EPHA7: variants seen among roughly 807,000 people sequenced by gnomAD.
The protein encoded by EPHA7 is EPH receptor A7, also known as ephrin type-A receptor 7.
A neutral mutation model predicts 112.6 loss-of-function variants in EPHA7; 25 were observed. The observed-to-expected ratio is 0.22, with a 90% CI of 0.16 to 0.31. EPHA7 has a LOEUF of 0.31. Ranked by LOEUF, EPHA7 falls within the 10% of genes least tolerant of loss-of-function variation. The pLI is 1.00. For missense variants in EPHA7, 962 were observed against 1,212.6 expected (o/e 0.79, Z 3.07); for synonymous variants, 437 against 406.5 (o/e 1.07, Z -0.90).
chr6:93,305,314 A>C (rs1773198341), intron 5 of EPHA7, among the ~76,000 whole-genome samples: 1 of 151,572 alleles, frequency 6.6e-6, no homozygotes, highest in African/African-American at 2.4e-5. Context: ...GAAATTATGA[A>C]AGTAAAAGTC....
At chr6:93,258,946 T>C (rs1316453891) in intron 10 of EPHA7, among the ~76,000 whole-genome samples, 1 of 151,870 alleles carries the variant, frequency 6.6e-6, no homozygotes, top group Non-Finnish European at 1.5e-5. Flanking sequence ...GTACAATGGC[T>C]AATACCTACA....
At chr6:93,352,766 C>A (rs1346282466) in intron 5 of EPHA7, among the ~76,000 whole-genome samples, 1 of 152,010 alleles carries the variant, frequency 6.6e-6, no homozygotes, top group Non-Finnish European at 1.5e-5. Flanking sequence ...CAAAAAAGAA[C>A]AAGATCGTGT....
At chr6:93,372,103 T>C (rs1406937177) in intron 3 of EPHA7, among the ~76,000 whole-genome samples, 1 of 152,118 alleles carries the variant, frequency 6.6e-6, no homozygotes, top group Non-Finnish European at 1.5e-5. Flanking sequence ...ATAAACAGAA[T>C]ATCTAAAAGC....
At chr6:93,351,412 C>T (rs1197705810) in intron 5 of EPHA7, among the ~76,000 whole-genome samples, 3 of 151,978 alleles carry the variant, frequency 2.0e-5, no homozygotes, top group African/African-American at 7.3e-5. Flanking sequence ...TAAGTATTTG[C>T]TTCCTGGGGA....
Position 93,272,304 on chromosome 6 carries a change from G to C in EPHA7, c.1443C>G (p.Tyr481Ter). The C allele has an allele frequency of 6.2e-7, 1 of 1,611,496 alleles. No individual in the cohort carries two copies. The highest frequency in any genetic ancestry group is 8.5e-7 in the Non-Finnish European group (1 of 1,178,250). ...AGTTGCTCTTAGCACTTACTTTCTC[G>C]TAATACTTGATTTCATATTCTGTGA... ...GVITEYEIKY[Y>*]EKDQRERTYS... Residue 481 changes from tyrosine (Y) to a stop codon, truncating the protein, a stop_gained, in exon 6 of 17, where the codon TAC becomes TAG. Coordinates refer to ENST00000369303, the MANE Select transcript of EPHA7 (RefSeq NM_004440.4). LOFTEE classifies it high-confidence loss of function.
At chr6:93,282,762 C>G (rs140575306) in intron 5 of EPHA7, among the ~76,000 whole-genome samples, 31 of 152,136 alleles carry the variant, frequency 2.0e-4, no homozygotes, top group Non-Finnish European at 3.2e-4. Flanking sequence ...CTGCCAGCCC[C>G]GAGCAGTGAG....
Position 93,241,691 on chromosome 6 carries a change from T to C in EPHA7, c.*1735A>G, listed in dbSNP as rs1049355300. ...TGAGTTTTTCTATAGCCGTCTTTGG[T>C]CCTAAATGTGGGAAAACACATTATG... On this transcript the variant is annotated 3_prime_UTR_variant, in exon 17 of 17. Transcript: ENST00000369303. 10 of 224,040 alleles carry C rather than the reference T, an allele frequency of 4.5e-5. No individual in the cohort carries two copies. In the Admixed American group the frequency reaches 4.6e-4, roughly 10 times the overall value. 13.9% of individuals were successfully genotyped at this position (224,040 alleles called of 1,614,324 possible). A position where few individuals can be genotyped will look rare whatever the true frequency, so the allele number is the denominator to read the frequency against.
intron 11 of EPHA7, 44 bp downstream of exon 11, chr6:93,258,055 A>G: frequency 6.5e-7 from 1 of 1,530,200 alleles, no homozygotes; most frequent in Non-Finnish European, 9.0e-7. Context: ...CTAATTTCTG[A>G]CACTCAGTCT....
At chr6:93,392,081 G>A (rs763520572) in intron 3 of EPHA7, among the ~76,000 whole-genome samples, 9 of 151,828 alleles carry the variant, frequency 5.9e-5, no homozygotes, top group South Asian at 4.2e-4. Flanking sequence ...ACAGAATAAC[G>A]CAATTTTTAC....
At chr6:93,296,293 C>G (rs1348361706) in intron 5 of EPHA7, among the ~76,000 whole-genome samples, 1 of 151,080 alleles carries the variant, frequency 6.6e-6, no homozygotes. Flanking sequence ...TGGGACTATA[C>G]CCAAAGGGAA....
chr6:93,410,907 G>T lies in EPHA7; in HGVS notation c.426C>A (p.Leu142=). 1 of 1,613,914 alleles carries T rather than the reference G, an allele frequency of 6.2e-7. No homozygotes were observed. Among genetic ancestry groups the T allele is most frequent in the Non-Finnish European group, 8.5e-7 (1 of 1,179,940 alleles). The change falls in exon 3 of 17, where the codon CTC becomes CTA. Residue 142 remains leucine, a synonymous_variant. Transcript: ENST00000369303. This position sits in a 1 kb window ranked among gnomAD's most constrained non-coding sequence, Gnocchi z 4.0. ...YDTGRNIREN[L]YVKIDTIAAD... Reference sequence around the variant, plus strand: ...CAGCAATGGTGTCTATTTTTACATAGAGGTTTTCTCTTATATTCCTGCCAG... The same window carrying T: ...CAGCAATGGTGTCTATTTTTACATATAGGTTTTCTCTTATATTCCTGCCAG...
chr6:93,348,514 AAAGTT>A (rs1198696588), intron 5 of EPHA7, among the ~76,000 whole-genome samples: 1 of 151,838 alleles, frequency 6.6e-6, no homozygotes, highest in Non-Finnish European at 1.5e-5. Context: ...GAAAGTTTTC[AAAGTT>A]AAGGTTTATT....
At chr6:93,381,918 TG>T (rs1467217054) in intron 3 of EPHA7, among the ~76,000 whole-genome samples, 1 of 152,146 alleles carries the variant, frequency 6.6e-6, no homozygotes, top group Non-Finnish European at 1.5e-5. Flanking sequence ...CCTTGTATCT[TG>T]TTCCTCTTCC....
At chr6:93,295,967 G>T (rs569460448) in intron 5 of EPHA7, among the ~76,000 whole-genome samples, 1 of 151,596 alleles carries the variant, frequency 6.6e-6, no homozygotes, top group Non-Finnish European at 1.5e-5. Context: ...CCTACTGGAA[G>T]TTATATCATA....
At chr6:93,249,917 T>C (rs958711610) in intron 14 of EPHA7, among the ~76,000 whole-genome samples, 5 of 152,166 alleles carry the variant, frequency 3.3e-5, no homozygotes, top group African/African-American at 9.6e-5. Flanking sequence ...GACCATTAAA[T>C]GATTATTAGA....
intron 5 of EPHA7, among the ~76,000 whole-genome samples, chr6:93,287,683 TTCCACCC>T (rs1772138968): frequency 6.6e-6 from 1 of 152,006 alleles, no homozygotes; most frequent in Non-Finnish European, 1.5e-5. Context: ...CTCTCCCTCC[TTCCACCC>T]TCCAACCTCC....
chr6:93,243,342 T>A lies in EPHA7; in HGVS notation c.*84A>T. On this transcript the variant is annotated 3_prime_UTR_variant, in exon 17 of 17. Coordinates refer to ENST00000369303, the MANE Select transcript of EPHA7 (RefSeq NM_004440.4). ...GGAAGGACCCAGGACATCACTTGTC[T>A]TCTAGCAGCATTCTATGCATATACT... is the stretch of plus-strand genomic sequence containing the variant. The A allele has an allele frequency of 9.8e-7, 1 of 1,018,306 alleles. No homozygotes were observed. The highest frequency in any genetic ancestry group is 1.6e-5 in the African/African-American group (1 of 63,080). 63.1% of individuals were successfully genotyped at this position (1,018,306 alleles called of 1,614,324 possible). A position where few individuals can be genotyped will look rare whatever the true frequency, so the allele number is the denominator to read the frequency against.
intron 3 of EPHA7, among the ~76,000 whole-genome samples, chr6:93,405,850 T>TAA (rs1554191713): frequency 0.022 from 2,659 of 120,012 alleles, 59 homozygotes; most frequent in Middle Eastern, 0.036. Flanking sequence ...TATATATATA[T>TAA]AAATGATTAT....
At chr6:93,365,573 G>C (rs959691930) in intron 3 of EPHA7, among the ~76,000 whole-genome samples, 1 of 152,148 alleles carries the variant, frequency 6.6e-6, no homozygotes, top group Non-Finnish European at 1.5e-5. Context: ...CTATGCCTCA[G>C]TGGGAATAAT....
Sources: allele counts gnomAD v4.1 joint callset (sites outside exome capture counted in the v4.1 genomes callset), GRCh38; gene constraint gnomAD v4.1.1; non-coding constraint Gnocchi (gnomAD v3.1); transcripts MANE v1.5; gene names NCBI Gene and HGNC (gene_info 2026-07-23, HGNC 2026-07-21).